CD99L2: variants seen among roughly 807,000 people sequenced by gnomAD.
CD99L2 encodes CD99 molecule like 2, also known as CD99 antigen-like protein 2.
A neutral mutation model predicts 27.3 loss-of-function variants in CD99L2; 24 were observed. The ratio of observed to expected loss-of-function variants is 0.88; its 90% CI spans 0.64 to 1.24. The LOEUF (loss-of-function observed/expected upper bound fraction) is 1.24, where lower values mean the gene tolerates loss of function less well. Among genes scored for constraint, CD99L2 ranks in the 50% most tolerant of loss-of-function variants. The pLI is 0.00. For missense variants in CD99L2, 255 were observed against 221.6 expected, an observed-to-expected ratio of 1.15 and a Z score of -0.96; for synonymous variants, 97 against 87.9, an observed-to-expected ratio of 1.10 and a Z score of -0.58.
At chrX:150,887,793 G>A (rs1462831622) in intron 1 of CD99L2, among the ~76,000 whole-genome samples, 3 of 111,995 alleles carry the variant, frequency 2.7e-5, no homozygotes, top group African/African-American at 3.3e-5. Context: ...TGGCGTCACA[G>A]GAAGGAACAG....
intron 1 of CD99L2, among the ~76,000 whole-genome samples, chrX:150,850,981 G>A (rs2046782762): frequency 9.0e-6 from 1 of 111,669 alleles, no homozygotes; most frequent in South Asian, 3.8e-4. Context: ...GGGATTACAG[G>A]CACGTGCCAC....
chrX:150,861,150 A>G (rs1367117717), intron 1 of CD99L2, among the ~76,000 whole-genome samples: 1 of 107,605 alleles, frequency 9.3e-6, no homozygotes, highest in Non-Finnish European at 1.9e-5. Flanking sequence ...TCAAAAAAAA[A>G]AAAAAAAAAG....
intron 1 of CD99L2, among the ~76,000 whole-genome samples, chrX:150,877,197 A>G (rs1292528389): frequency 2.7e-5 from 3 of 111,445 alleles, no homozygotes; most frequent in Non-Finnish European, 5.6e-5. Flanking sequence ...AATTTACTAC[A>G]TTAACAGGTT....
intron 1 of CD99L2, among the ~76,000 whole-genome samples, chrX:150,871,284 T>C (rs2047152787): frequency 1.8e-5 from 2 of 111,660 alleles, no homozygotes; most frequent in Non-Finnish European, 3.8e-5. Flanking sequence ...AAAAACAGGC[T>C]CTGACCTCTT....
At chrX:150,890,084 C>T (rs1171659814) in intron 1 of CD99L2, among the ~76,000 whole-genome samples, 1 of 109,766 alleles carries the variant, frequency 9.1e-6, no homozygotes, top group East Asian at 2.8e-4. Context: ...ACCCGGGAGG[C>T]GGAGTTTGCA....
chrX:150,794,263 A>G (rs2045750868), intron 6 of CD99L2, among the ~76,000 whole-genome samples: 1 of 111,197 alleles, frequency 9.0e-6, no homozygotes, highest in Admixed American at 9.6e-5. Context: ...CATTATTCCT[A>G]TAGCTGCAAG....
intron 1 of CD99L2, among the ~76,000 whole-genome samples, chrX:150,868,090 T>A (rs1184332867): frequency 1.8e-5 from 1 of 56,608 alleles, no homozygotes; most frequent in Non-Finnish European, 3.3e-5. Context: ...TCAAAAATAA[T>A]AATAATAATA....
In CD99L2 at chrX:150,795,220, A is replaced by G. The variant is rs2045775316; in HGVS notation, c.416T>C (p.Ile139Thr). ...GTGGGACTCACCTCCTCCTCCAGCA[A>G]TTGGTTTCCTGCGGCCATCATCTCG... ...NDRDDGRRKP[I>T]AGGGGFSDKD... The change falls in exon 6 of 11, where the codon ATT becomes ACT. Residue 139 changes from isoleucine (I) to threonine (T), a missense_variant. Transcript: ENST00000370377. 5 of 1,211,569 alleles carry G rather than the reference A, an allele frequency of 4.1e-6. No homozygotes were observed. In the East Asian group the frequency reaches 1.2e-4, roughly 29 times the overall value.
intron 2 of CD99L2, among the ~76,000 whole-genome samples, chrX:150,825,967 A>G (rs1365835136): frequency 9.0e-6 from 1 of 111,610 alleles, no homozygotes; most frequent in Non-Finnish European, 1.9e-5. Flanking sequence ...CCCAGCCCCA[A>G]ATTCATGTTG....
chrX:150,816,050 T>TGTG lies in CD99L2; in HGVS notation c.156_158dup (p.Thr54dup), dbSNP rs781798265. ...CTCTGGTGGTTCCTGGCCTATTGGT[T>TGTG]GTGGTGGTGGTGGTGTGGTCCCATG... On this transcript the variant is annotated inframe_insertion, in exon 3 of 11. Coordinates refer to ENST00000370377, the MANE Select transcript of CD99L2 (RefSeq NM_031462.4). 67 of 1,208,959 alleles carry TGTG rather than the reference T, an allele frequency of 5.5e-5. No homozygotes were observed. The African/African-American group carries it at 9.3e-4, about 17-fold the overall frequency.
chrX:150,824,289 G>GGAA (rs782581412), intron 2 of CD99L2, among the ~76,000 whole-genome samples: 1,671 of 59,245 alleles, frequency 0.028, 162 homozygotes, highest in South Asian at 0.039. Flanking sequence ...GGAGGAGAAA[G>GGAA]GAAGAAGAAG....
intron 1 of CD99L2, among the ~76,000 whole-genome samples, chrX:150,867,646 C>A (rs184798041): frequency 2.2e-3 from 239 of 110,590 alleles, no homozygotes; most frequent in Non-Finnish European, 3.2e-3. Flanking sequence ...TTAATCCCAG[C>A]ACTTTGGGAG....
At chrX:150,856,807 T>C (rs2046897252) in intron 1 of CD99L2, among the ~76,000 whole-genome samples, 1 of 110,501 alleles carries the variant, frequency 9.0e-6, no homozygotes, top group African/African-American at 3.3e-5. Context: ...TTCAAATCAT[T>C]GATTCTAAAG....
intron 1 of CD99L2, among the ~76,000 whole-genome samples, chrX:150,840,217 AAAAG>A (rs782817386): frequency 3.3e-4 from 36 of 109,437 alleles, no homozygotes; most frequent in African/African-American, 9.7e-4. Context: ...GAAAAAAGAA[AAAAG>A]AAAGAAAGAA....
intron 4 of CD99L2, among the ~76,000 whole-genome samples, chrX:150,811,790 G>A (rs782439483): frequency 9.0e-6 from 1 of 111,452 alleles, no homozygotes; most frequent in East Asian, 2.8e-4. Flanking sequence ...GCAAGCAAGC[G>A]AAGTTTCAGG....
At chrX:150,840,540 G>A (rs2046608581) in intron 1 of CD99L2, among the ~76,000 whole-genome samples, 1 of 111,119 alleles carries the variant, frequency 9.0e-6, no homozygotes. Flanking sequence ...CTCCCAAGTA[G>A]CTAGGAACAC....
intron 2 of CD99L2, among the ~76,000 whole-genome samples, chrX:150,821,456 C>A (rs73609562): frequency 0.19 from 21,204 of 110,951 alleles, 1,535 homozygotes; most frequent in African/African-American, 0.26. Flanking sequence ...AGCTGGATAA[C>A]CATATGTTAA....
intron 1 of CD99L2, among the ~76,000 whole-genome samples, chrX:150,891,937 C>A (rs782560935): frequency 9.0e-6 from 1 of 111,729 alleles, no homozygotes; most frequent in Non-Finnish European, 1.9e-5. Flanking sequence ...GTGAGCCAGG[C>A]GTGGTGGCTC....
At chrX:150,868,401 G>T (rs1297279869) in intron 1 of CD99L2, among the ~76,000 whole-genome samples, 1 of 111,424 alleles carries the variant, frequency 9.0e-6, no homozygotes, top group Non-Finnish European at 1.9e-5. Flanking sequence ...GGTGGCACAT[G>T]CCTGTAATCC....
Sources: gnomAD v4.1 joint callset for allele counts (sites outside exome capture counted in the v4.1 genomes callset) on GRCh38, gnomAD v4.1.1 for gene constraint, MANE v1.5 for transcripts, NCBI Gene and HGNC (gene_info 2026-07-23, HGNC 2026-07-21) for gene names.